Variants in RBP7 observed in about 807,000 individuals in gnomAD.
The protein encoded by RBP7 is retinoid-binding protein 7.
RBP7 carries 13 observed loss-of-function variants against 16.7 expected under a neutral mutation model. The observed-to-expected ratio is 0.78, with a 90% CI of 0.51 to 1.24. The LOEUF is 1.24. Among genes scored for constraint, RBP7 ranks in the 50% most tolerant of loss-of-function variants. The probability of loss-of-function intolerance (pLI) is 0.00; values close to 1 mark genes in which losing one functional copy is unlikely to be tolerated. For missense variants in RBP7, 145 were observed against 159.5 expected (o/e 0.91, Z 0.49); for synonymous variants, 54 against 56.2 (o/e 0.96, Z 0.17).
intron 1 of RBP7, among the ~76,000 whole-genome samples, chr1:10,000,739 TTTG>T (rs1642255196): frequency 1.3e-5 from 2 of 151,974 alleles, no homozygotes; most frequent in East Asian, 1.9e-4. Flanking sequence ...CGCCTCTTTT[TTTG>T]TTGTTGTTGT....
intron 3 of RBP7, 43 bp from the exon 4 acceptor site, chr1:10,015,739 A>G: frequency 6.4e-7 from 1 of 1,561,480 alleles, no homozygotes; most frequent in Non-Finnish European, 8.8e-7. Flanking sequence ...AACAGACCAC[A>G]TGCAAACTGA....
At chr1:10,006,764 T>TATAGAG (rs1325127839) in intron 1 of RBP7, among the ~76,000 whole-genome samples, 106 of 141,516 alleles carry the variant, frequency 7.5e-4, no homozygotes, top group African/African-American at 2.7e-3. Flanking sequence ...TATATATATA[T>TATAGAG]AGAGAGAGAG....
intron 1 of RBP7, among the ~76,000 whole-genome samples, chr1:10,000,813 G>T (rs1368137527): frequency 6.6e-6 from 1 of 151,818 alleles, no homozygotes; most frequent in African/African-American, 2.4e-5. Context: ...TCGGCTCACT[G>T]CAACCTCTGC....
At chr1:10,012,575 T>G (rs575422003) in intron 3 of RBP7, among the ~76,000 whole-genome samples, 1 of 151,166 alleles carries the variant, frequency 6.6e-6, no homozygotes, top group Non-Finnish European at 1.5e-5. Context: ...GAAGATTGCT[T>G]GAGCCCAGGA....
At chr1:10,006,816 T>G (rs1642456572) in intron 1 of RBP7, among the ~76,000 whole-genome samples, 1 of 152,058 alleles carries the variant, frequency 6.6e-6, no homozygotes, top group Admixed American at 6.6e-5. Context: ...TTTTTGAGTT[T>G]TGTTTTCATT....
intron 3 of RBP7, among the ~76,000 whole-genome samples, chr1:10,012,411 T>C (rs974162059): frequency 2.0e-5 from 3 of 151,734 alleles, no homozygotes; most frequent in African/African-American, 7.3e-5. Flanking sequence ...GAAACTTGCC[T>C]TCGCAAATAC....
intron 3 of RBP7, among the ~76,000 whole-genome samples, chr1:10,012,939 CAAAAAAA>C (rs760583223): frequency 1.4e-5 from 1 of 71,346 alleles, no homozygotes; most frequent in Non-Finnish European, 3.1e-5. Flanking sequence ...GAAACTGTCT[CAAAAAAA>C]AAAAAAAAAA....
intron 3 of RBP7, among the ~76,000 whole-genome samples, chr1:10,010,728 G>A (rs1642593588): frequency 6.6e-6 from 1 of 152,038 alleles, no homozygotes; most frequent in African/African-American, 2.4e-5. Flanking sequence ...GGAATTACAG[G>A]CATGCACCAC....
intron 3 of RBP7, 143 bp from the exon 4 acceptor site, chr1:10,015,639 G>A (rs1412274920): frequency 1.5e-6 from 1 of 658,414 alleles, no homozygotes; most frequent in Non-Finnish European, 2.7e-6. Flanking sequence ...ACTTAGCCAG[G>A]ACGACAGAGT....
At chr1:10,003,196 G>T (rs975277179) in intron 1 of RBP7, among the ~76,000 whole-genome samples, 1 of 152,166 alleles carries the variant, frequency 6.6e-6, no homozygotes, top group Non-Finnish European at 1.5e-5. Flanking sequence ...GGAGGCTGAG[G>T]TGGGTGGATC....
chr1:9,998,063 A>C (rs900853320), intron 1 of RBP7, among the ~76,000 whole-genome samples: 1 of 152,034 alleles, frequency 6.6e-6, no homozygotes, highest in African/African-American at 2.4e-5. Flanking sequence ...CTCTCAACTC[A>C]CTGCAACCTC....
chr1:10,009,926 T>C (rs1642569404), intron 3 of RBP7, among the ~76,000 whole-genome samples: 1 of 152,156 alleles, frequency 6.6e-6, no homozygotes, highest in Non-Finnish European at 1.5e-5. Flanking sequence ...GAGGTGTTTT[T>C]CTTTAATGGC....
chr1:9,997,455 G>A lies in RBP7; in HGVS notation c.73+124G>A. 1.2e-6 allele frequency: 1 copy of A among 849,830 alleles called. No homozygotes were observed. The highest frequency in any genetic ancestry group is 1.8e-6 in the Non-Finnish European group (1 of 548,006). The allele number at this position is 849,830 out of a possible 1,614,324, so 52.6% of individuals were successfully genotyped here. A position where few individuals can be genotyped will look rare whatever the true frequency, so the allele number is the denominator to read the frequency against. On this transcript the variant is annotated intron_variant, in intron 1 of 3. Transcript: ENST00000294435. This position sits in a 1 kb window ranked among gnomAD's most constrained non-coding sequence, Gnocchi z 5.9. ...GTGCCTCCGCCCTGCTGCGCCCACCGTCGCCCAGTCGCCCCCGAGTCCGCT... is the reference window on the plus strand; with the variant it reads ...GTGCCTCCGCCCTGCTGCGCCCACCATCGCCCAGTCGCCCCCGAGTCCGCT...
chr1:10,011,020 G>A (rs181492615), intron 3 of RBP7, among the ~76,000 whole-genome samples: 3 of 151,920 alleles, frequency 2.0e-5, no homozygotes, highest in East Asian at 1.9e-4. Context: ...TGAGCCACCC[G>A]ACAGACAGAA....
chr1:10,006,947 TTTTC>T (rs1443983267), intron 1 of RBP7: 3 of 440,946 alleles, frequency 6.8e-6, no homozygotes, highest in Non-Finnish European at 1.4e-5. Context: ...TTGGTTTTCT[TTTTC>T]TTTCTTTTTT....
chr1:10,008,040 T>C lies in RBP7; in HGVS notation c.253-133T>C. 4.8e-6 allele frequency: 3 copies of C among 627,098 alleles called. No homozygotes were observed. The South Asian group carries it at 6.0e-5, about 12-fold the overall frequency. The allele number at this position is 627,098 out of a possible 1,614,324, so 38.8% of individuals were successfully genotyped here. A position where few individuals can be genotyped will look rare whatever the true frequency, so the allele number is the denominator to read the frequency against. ...CTGCACTCCAGCCTGGGTGACAGAG[T>C]GGGACTCCATCTCAAAAAAAAAAAA... On this transcript the variant is annotated intron_variant, in intron 2 of 3. Transcript: ENST00000294435.
chr1:10,008,039 G>A, intron 2 of RBP7, 134 bp from the exon 3 acceptor site: 1 of 633,198 alleles, frequency 1.6e-6, no homozygotes, highest in Non-Finnish European at 2.8e-6. Flanking sequence ...GGGTGACAGA[G>A]TGGGACTCCA....
At chr1:10,012,754 C>A (rs1310975201) in intron 3 of RBP7, among the ~76,000 whole-genome samples, 2 of 151,572 alleles carry the variant, frequency 1.3e-5, no homozygotes, top group African/African-American at 2.4e-5. Flanking sequence ...GCCAGCATGG[C>A]GAAACCCCGT....
chr1:10,006,330 G>A, intron 1 of RBP7, among the ~76,000 whole-genome samples: 1 of 152,004 alleles, frequency 6.6e-6, no homozygotes, highest in South Asian at 2.1e-4. Context: ...AACATAGTGA[G>A]ACTTGATCTC....
Sources: gnomAD v4.1 joint callset for allele counts (sites outside exome capture counted in the v4.1 genomes callset) on GRCh38, gnomAD v4.1.1 for gene constraint, Gnocchi (gnomAD v3.1) non-coding constraint, MANE v1.5 for transcripts, NCBI Gene and HGNC (gene_info 2026-07-23, HGNC 2026-07-21) for gene names.